ASH1L: variants seen among roughly 807,000 people sequenced by gnomAD.
The protein encoded by ASH1L is histone-lysine N-methyltransferase ASH1L.
In ASH1L, 23 loss-of-function variants were observed where a neutral mutation model predicts 269.0. That is an observed-to-expected ratio of 0.09 (90% CI 0.06 to 0.12). The LOEUF is 0.12. Ranked by LOEUF, ASH1L falls within the 10% of genes least tolerant of loss-of-function variation. ASH1L has a pLI of 1.00. For missense variants in ASH1L, 2,912 were observed against 3,567.8 expected (o/e 0.82, Z 4.68); for synonymous variants, 1,187 against 1,253.5 (o/e 0.95, Z 1.12).
At chr1:155,538,693 G>A (rs979433025) in intron 1 of ASH1L, among the ~76,000 whole-genome samples, 3 of 147,638 alleles carry the variant, frequency 2.0e-5, no homozygotes, top group Admixed American at 6.8e-5. Flanking sequence ...TCTGGCCTGG[G>A]GTACAGTGGC....
chr1:155,384,637 A>G (rs1018521666), intron 7 of ASH1L, among the ~76,000 whole-genome samples: 1 of 152,074 alleles, frequency 6.6e-6, no homozygotes, highest in African/African-American at 2.4e-5. Context: ...TTCTGAGCTC[A>G]AGCAATCAGC....
chr1:155,517,847 C>T (rs1668601148), intron 2 of ASH1L, among the ~76,000 whole-genome samples: 2 of 118,218 alleles, frequency 1.7e-5, no homozygotes, highest in East Asian at 6.0e-4. Flanking sequence ...GTCGCCCAGG[C>T]TGGAGTGCAG....
rs185003846 is a variant in ASH1L, at chr1:155,423,404, C to A, written c.5829-7481G>T. Among the ~76,000 whole-genome samples, 561 of 151,844 alleles carry A rather than the reference C, an allele frequency of 3.7e-3. 4 individuals are homozygous for A. The highest frequency in any genetic ancestry group is 7.5e-3 in the Admixed American group (114 of 15,264). ...GACCATCCTGGCCAACATGGTGAAA[C>A]CCCGTCTCTACTAAAATGCAAAAAA... On this transcript the variant is annotated intron_variant, in intron 5 of 27. Coordinates refer to ENST00000392403, the MANE Select transcript of ASH1L (RefSeq NM_018489.3).
chr1:155,477,843 C>G lies in ASH1L; in HGVS notation c.4984+43G>C, dbSNP rs537665685. 1.6e-5 allele frequency: 25 copies of G among 1,516,194 alleles called. No homozygotes were observed. In the South Asian group the frequency reaches 3.3e-4, roughly 20 times the overall value. 93.9% of individuals were successfully genotyped at this position (1,516,194 alleles called of 1,614,324 possible). A position where few individuals can be genotyped will look rare whatever the true frequency, so the allele number is the denominator to read the frequency against. On this transcript the variant is annotated intron_variant, in intron 3 of 27. Transcript: ENST00000392403. ...TTATCAGGCACCTGTGGAAAATAACCTATTTCTTTAACAAATAACAGGTAA... is the reference window on the plus strand; with the variant it reads ...TTATCAGGCACCTGTGGAAAATAACGTATTTCTTTAACAAATAACAGGTAA...
intron 2 of ASH1L, among the ~76,000 whole-genome samples, chr1:155,513,949 TG>T (rs1668337420): frequency 6.6e-6 from 1 of 152,196 alleles, no homozygotes; most frequent in South Asian, 2.1e-4. Flanking sequence ...ATACATACAC[TG>T]GAATATTATT....
In ASH1L at chr1:155,344,210, G is replaced by C. The variant is rs1360806618; in HGVS notation, c.7954C>G (p.Leu2652Val). ...TGACGAAGCAGCAAGTCATCTCGGA[G>C]CAAACAGATGAAGTAGACACAGCCA... The part of the protein sequence containing the change: ...QPGCVYFICL[L>V]RDDLLLRQGD... Residue 2652 changes from leucine (L) to valine (V), a missense_variant, in exon 22 of 28, where the codon CTC becomes GTC. By Grantham distance (32) the Leu-to-Val change is conservative. Coordinates refer to ENST00000392403, the MANE Select transcript of ASH1L (RefSeq NM_018489.3). 6.2e-7 allele frequency: 1 copy of C among 1,614,182 alleles called. No homozygotes were observed. The highest frequency in any genetic ancestry group is 1.1e-5 in the South Asian group (1 of 91,086).
At chr1:155,362,707 C>A (rs1427883434) in intron 12 of ASH1L, among the ~76,000 whole-genome samples, 3 of 152,052 alleles carry the variant, frequency 2.0e-5, no homozygotes, top group Admixed American at 6.6e-5. Flanking sequence ...ATAGAAAAAA[C>A]CCCAATCCTG....
chr1:155,399,077 A>G (rs1034325063), intron 6 of ASH1L, among the ~76,000 whole-genome samples: 5 of 152,116 alleles, frequency 3.3e-5, no homozygotes, highest in Non-Finnish European at 5.9e-5. Flanking sequence ...CCATTTTGAA[A>G]TGTCTATCTT....
intron 3 of ASH1L, among the ~76,000 whole-genome samples, chr1:155,460,442 T>C (rs1310182718): frequency 6.6e-6 from 1 of 152,120 alleles, no homozygotes; most frequent in East Asian, 1.9e-4. Flanking sequence ...ACCCTGCCTC[T>C]ACTAAGAATA....
intron 5 of ASH1L, among the ~76,000 whole-genome samples, chr1:155,428,319 T>C (rs1371927905): frequency 2.1e-5 from 3 of 145,150 alleles, no homozygotes; most frequent in Non-Finnish European, 4.5e-5. Flanking sequence ...TGGGCGCCTC[T>C]AATCCCAGCT....
At chr1:155,355,159 G>A (rs1263403665) in intron 15 of ASH1L, among the ~76,000 whole-genome samples, 2 of 152,138 alleles carry the variant, frequency 1.3e-5, no homozygotes, top group African/African-American at 4.8e-5. Context: ...GGGTTCAAGC[G>A]ATTCTCTCAG....
At chr1:155,402,128 A>G (rs1658910981) in intron 6 of ASH1L, among the ~76,000 whole-genome samples, 2 of 152,040 alleles carry the variant, frequency 1.3e-5, no homozygotes, top group South Asian at 2.1e-4. Context: ...TGATTGTGCC[A>G]CTGCCAGACT....
intron 3 of ASH1L, among the ~76,000 whole-genome samples, chr1:155,475,975 T>C (rs1350643145): frequency 6.6e-6 from 1 of 150,646 alleles, no homozygotes; most frequent in African/African-American, 2.5e-5. Context: ...TTCTCTATTA[T>C]ATAACAAGGG....
Position 155,521,247 on chromosome 1 carries a change from G to A in ASH1L, c.273C>T (p.Leu91=). ...SEGNLKLKIG[L]QAKRTKKPPK... ...GAGGTTTTTTAGTTCTCTTAGCCTG[G>A]AGGCCAATTTTCAATTTTAAATTTC... The change falls in exon 2 of 28, where the codon CTC becomes CTT. Residue 91 remains leucine, a synonymous_variant. Transcript: ENST00000392403. 2 of 1,614,052 alleles carry A rather than the reference G, an allele frequency of 1.2e-6. No individual in the cohort carries two copies. Among genetic ancestry groups the A allele is most frequent in the Non-Finnish European group, 1.7e-6 (2 of 1,180,004 alleles).
intron 4 of ASH1L, among the ~76,000 whole-genome samples, chr1:155,457,508 C>A (rs1179789691): frequency 3.3e-5 from 5 of 152,168 alleles, no homozygotes; most frequent in African/African-American, 7.2e-5. Context: ...GTCCCACTTG[C>A]CTACTTAAGT....
chr1:155,420,847 T>TAA (rs59908021), intron 5 of ASH1L, among the ~76,000 whole-genome samples: 4,944 of 136,636 alleles, frequency 0.036, 229 homozygotes, highest in African/African-American at 0.11. Flanking sequence ...AAGGCTCCAT[T>TAA]AAAAAAAAAA....
intron 2 of ASH1L, among the ~76,000 whole-genome samples, chr1:155,492,743 GTT>G (rs58775424): frequency 3.5e-5 from 5 of 144,492 alleles, no homozygotes; most frequent in African/African-American, 2.5e-5. Flanking sequence ...AAACAAGTAG[GTT>G]TTTTTTTTTT....
intron 3 of ASH1L, among the ~76,000 whole-genome samples, chr1:155,476,827 A>T (rs1331426769): frequency 6.6e-6 from 1 of 152,090 alleles, no homozygotes; most frequent in Non-Finnish European, 1.5e-5. Context: ...CACTGGGATT[A>T]CAGGTGTGAG....
intron 1 of ASH1L, among the ~76,000 whole-genome samples, chr1:155,527,103 G>C (rs531360259): frequency 6.6e-6 from 1 of 152,116 alleles, no homozygotes; most frequent in Non-Finnish European, 1.5e-5. Context: ...AGCTACTCAG[G>C]AGGCTGAGGC....
Sources: allele counts gnomAD v4.1 joint callset (sites outside exome capture counted in the v4.1 genomes callset), GRCh38; gene constraint gnomAD v4.1.1; transcripts MANE v1.5; gene names NCBI Gene and HGNC (gene_info 2026-07-23, HGNC 2026-07-21).